Variants in IFT80 observed in about 807,000 individuals in gnomAD.
The protein encoded by IFT80 is intraflagellar transport protein 80 homolog.
In IFT80, 79 loss-of-function variants were observed where a neutral mutation model predicts 107.9. That is an observed-to-expected ratio of 0.73 (90% CI 0.61 to 0.88). The LOEUF (loss-of-function observed/expected upper bound fraction) is 0.88, where lower values mean the gene tolerates loss of function less well. Among genes scored for constraint, IFT80 ranks in the 40% least tolerant of loss-of-function variants. The pLI is 0.00. For missense variants in IFT80, 797 were observed against 914.2 expected, an observed-to-expected ratio of 0.87 and a Z score of 1.65; for synonymous variants, 299 against 300.9, an observed-to-expected ratio of 0.99 and a Z score of 0.07.
intron 8 of IFT80, among the ~76,000 whole-genome samples, chr3:160,323,901 AAGAG>A (rs1424105139): frequency 6.6e-6 from 1 of 152,136 alleles, no homozygotes; most frequent in Non-Finnish European, 1.5e-5. Context: ...TAAAGAAAAA[AAGAG>A]AGAAGAATCA....
At chr3:160,340,552 G>C (rs182721123) in intron 8 of IFT80, among the ~76,000 whole-genome samples, 9 of 152,228 alleles carry the variant, frequency 5.9e-5, no homozygotes, top group African/African-American at 1.9e-4. Flanking sequence ...GTATGACTGA[G>C]GTCCCCATTT....
chr3:160,381,239 A>AATATATATATAT (rs56915671), intron 3 of IFT80, among the ~76,000 whole-genome samples: 3,699 of 86,068 alleles, frequency 0.043, 265 homozygotes, highest in South Asian at 0.087. Context: ...CCCATCTCTA[A>AATATATATATAT]ATATATATAT....
chr3:160,314,368 G>A (rs1239758912), intron 9 of IFT80, among the ~76,000 whole-genome samples: 1 of 152,122 alleles, frequency 6.6e-6, no homozygotes. Flanking sequence ...CCTTCTAACA[G>A]AGACATCAAG....
chr3:160,333,265 G>A (rs1719214643), intron 8 of IFT80, among the ~76,000 whole-genome samples: 2 of 152,178 alleles, frequency 1.3e-5, no homozygotes, highest in African/African-American at 4.8e-5. Flanking sequence ...GTGAGTTAAT[G>A]TGAAGGCCTG....
intron 13 of IFT80, among the ~76,000 whole-genome samples, chr3:160,284,760 G>A (rs1037893382): frequency 6.6e-6 from 1 of 152,122 alleles, no homozygotes; most frequent in African/African-American, 2.4e-5. Flanking sequence ...AGCACTTTAT[G>A]TATAGATATG....
At chr3:160,308,131 G>A (rs1576785078) in intron 9 of IFT80, among the ~76,000 whole-genome samples, 1 of 152,266 alleles carries the variant, frequency 6.6e-6, no homozygotes, top group East Asian at 1.9e-4. Context: ...AAGATTCTAT[G>A]TGATTTCTGC....
intron 5 of IFT80, among the ~76,000 whole-genome samples, chr3:160,366,934 T>C (rs1721912382): frequency 6.6e-6 from 1 of 151,982 alleles, no homozygotes; most frequent in South Asian, 2.1e-4. Flanking sequence ...CCTCACTACC[T>C]TTCCCAGCAT....
intron 18 of IFT80, among the ~76,000 whole-genome samples, chr3:160,272,385 T>C (rs1255283535): frequency 1.3e-5 from 2 of 152,130 alleles, no homozygotes; most frequent in South Asian, 2.1e-4. Flanking sequence ...AATGATATAA[T>C]GATTGGGGTC....
intron 18 of IFT80, among the ~76,000 whole-genome samples, chr3:160,273,741 T>A (rs1244203488): frequency 6.6e-6 from 1 of 152,180 alleles, no homozygotes; most frequent in Non-Finnish European, 1.5e-5. Context: ...AGATGAGAGA[T>A]GCATATTTTG....
At chr3:160,394,652 G>A (rs1559978899) in intron 1 of IFT80, among the ~76,000 whole-genome samples, 2 of 152,126 alleles carry the variant, frequency 1.3e-5, no homozygotes, top group Non-Finnish European at 2.9e-5. Context: ...GGGAGGCTGA[G>A]GCAGGAGAGA....
intron 1 of IFT80, among the ~76,000 whole-genome samples, chr3:160,396,548 T>C (rs1713792713): frequency 2.0e-5 from 3 of 152,174 alleles, no homozygotes; most frequent in Admixed American, 6.5e-5. Context: ...CCAATTTTTC[T>C]CTTTGAACTT....
chr3:160,343,701 C>A, intron 8 of IFT80: 1 of 253,062 alleles, frequency 4.0e-6, no homozygotes, highest in South Asian at 3.9e-5. Context: ...ATTTCCTGAT[C>A]ATCTCATTTA....
intron 19 of IFT80, among the ~76,000 whole-genome samples, chr3:160,267,014 C>T (rs901120062): frequency 4.6e-5 from 7 of 152,056 alleles, no homozygotes; most frequent in Admixed American, 3.9e-4. Flanking sequence ...GGATTCACTT[C>T]AGTACTAAGC....
rs1310865765 is a variant in IFT80 at position 160,280,802 on chromosome 3, T to A, written c.1529A>T (p.His510Leu). Residue 510 changes from histidine (H) to leucine (L), a missense_variant, in exon 15 of 20, where the codon CAT becomes CTT. Transcript: ENST00000326448. ...EQIIKLGTMV[H>L]TLAWNDTCNI... ...GCATGTATCGTTCCATGCCAAAGTA[T>A]GCACCATTGTTCCTTAATTTAAAAA... 1 of 1,612,990 alleles carries A rather than the reference T, an allele frequency of 6.2e-7. No homozygotes were observed. Among genetic ancestry groups the A allele is most frequent in the East Asian group, 2.2e-5 (1 of 44,786 alleles).
chr3:160,285,758 A>G (rs768495439), intron 13 of IFT80, 46 bp downstream of exon 13: 1 of 1,193,794 alleles, frequency 8.4e-7, no homozygotes, highest in Admixed American at 1.9e-5. Flanking sequence ...AAAAGGAAAT[A>G]AATAAATAGT....
chr3:160,376,185 T>C (rs1712007853), intron 4 of IFT80, among the ~76,000 whole-genome samples: 1 of 152,196 alleles, frequency 6.6e-6, no homozygotes, highest in African/African-American at 2.4e-5. Flanking sequence ...CAAATAATGT[T>C]TCCTTTGTCA....
chr3:160,355,933 T>C (rs1023480598), intron 8 of IFT80, 80 bp downstream of exon 8: 2 of 1,512,124 alleles, frequency 1.3e-6, no homozygotes, highest in African/African-American at 2.7e-5. Flanking sequence ...AAAATGTTTT[T>C]TAAAGACTGA....
chr3:160,323,817 T>C (rs1375377467), intron 8 of IFT80, among the ~76,000 whole-genome samples: 2 of 151,684 alleles, frequency 1.3e-5, no homozygotes, highest in African/African-American at 2.4e-5. Context: ...AAAAAACCCT[T>C]CAAAAAATTA....
intron 6 of IFT80, 102 bp from the exon 7 acceptor site, chr3:160,357,680 T>TC: frequency 2.9e-6 from 2 of 696,522 alleles, no homozygotes; most frequent in Admixed American, 4.7e-5. Flanking sequence ...TCCTTTGTCA[T>TC]CTTCTCAGGG....
Sources: allele counts gnomAD v4.1 joint callset (sites outside exome capture counted in the v4.1 genomes callset), GRCh38; gene constraint gnomAD v4.1.1; transcripts MANE v1.5; gene names NCBI Gene and HGNC (gene_info 2026-07-23, HGNC 2026-07-21).